XRCC4: variants seen among roughly 807,000 people sequenced by gnomAD.
XRCC4 encodes DNA repair protein XRCC4.
A neutral mutation model predicts 39.1 loss-of-function variants in XRCC4; 28 were observed. That is an observed-to-expected ratio of 0.72 (90% CI 0.53 to 0.98). The LOEUF (loss-of-function observed/expected upper bound fraction) is 0.98, where lower values mean the gene tolerates loss of function less well. XRCC4 is among the 50% of genes least tolerant of loss of function. The probability of loss-of-function intolerance (pLI) is 0.00; values close to 1 mark genes in which losing one functional copy is unlikely to be tolerated. For synonymous variants in XRCC4, 123 were observed against 126.4 expected (o/e 0.97, Z 0.18); for missense variants, 350 against 376.4 (o/e 0.93, Z 0.58).
intron 7 of XRCC4, among the ~76,000 whole-genome samples, chr5:83,335,935 A>T (rs1756581228): frequency 6.6e-6 from 1 of 152,082 alleles, no homozygotes; most frequent in South Asian, 2.1e-4. Flanking sequence ...GGAAAACTAC[A>T]CATAAGCAAC....
At chr5:83,252,951 A>C (rs1013316739) in intron 6 of XRCC4, among the ~76,000 whole-genome samples, 2 of 152,218 alleles carry the variant, frequency 1.3e-5, no homozygotes, top group African/African-American at 2.4e-5. Context: ...ATTTAATTGG[A>C]GAAACAAGAG....
chr5:83,162,041 C>T (rs1268001936), intron 3 of XRCC4, among the ~76,000 whole-genome samples: 2 of 152,070 alleles, frequency 1.3e-5, no homozygotes, highest in African/African-American at 2.4e-5. Context: ...GTGGCGGGTG[C>T]CTGTAGTCCC....
chr5:83,361,922 T>C, the XRCC4 span, among the ~76,000 whole-genome samples: 1 of 152,140 alleles, frequency 6.6e-6, no homozygotes, highest in Non-Finnish European at 1.5e-5. Context: ...ACTCCTGCCA[T>C]GTTATCTATT....
chr5:83,117,237 A>G (rs1746767763), intron 3 of XRCC4, among the ~76,000 whole-genome samples: 1 of 152,160 alleles, frequency 6.6e-6, no homozygotes, highest in African/African-American at 2.4e-5. Context: ...GTTCTGGTTG[A>G]AAGCATACTA....
chr5:83,304,259 A>G (rs1377273492), intron 7 of XRCC4, among the ~76,000 whole-genome samples: 1 of 148,576 alleles, frequency 6.7e-6, no homozygotes, highest in Non-Finnish European at 1.5e-5. Flanking sequence ...GGCTCACTGC[A>G]ACCTCCGCTT....
chr5:83,298,084 T>A lies in XRCC4; in HGVS notation c.893+39407T>A, dbSNP rs566522179. ...TCATTATCATTACCATTTTGCACTT[T>A]AGGAGATTGAAGCTTAGAGAGGTTA... is the stretch of plus-strand genomic sequence containing the variant. On this transcript the variant is annotated intron_variant, in intron 7 of 7. Transcript: ENST00000396027. Among the ~76,000 whole-genome samples the A allele has an allele frequency of 3.3e-5, 5 of 152,020 alleles. 1 individual carries two copies. In the South Asian group the frequency reaches 1.0e-3, roughly 31 times the overall value.
intron 3 of XRCC4, among the ~76,000 whole-genome samples, chr5:83,190,234 T>G (rs1046699224): frequency 1.3e-5 from 2 of 152,138 alleles, no homozygotes; most frequent in Non-Finnish European, 2.9e-5. Context: ...AGTCACCTTT[T>G]TTTAAACATA....
chr5:83,157,197 T>C (rs1749004499), intron 3 of XRCC4, among the ~76,000 whole-genome samples: 1 of 152,150 alleles, frequency 6.6e-6, no homozygotes, highest in African/African-American at 2.4e-5. Flanking sequence ...AAGAGTAAGC[T>C]GATCCAGAGG....
In XRCC4 at chr5:83,077,581, G is replaced by A. The variant is rs1179307705; in HGVS notation, c.-45G>A. On this transcript the variant is annotated 5_prime_UTR_variant, in exon 1 of 8. Transcript: ENST00000396027. ...AAAACCTTGATCTGTGAAAGCGGGCGTTTTGGAAGATACCGGAAGTAGAGT... is the reference window on the plus strand; with the variant it reads ...AAAACCTTGATCTGTGAAAGCGGGCATTTTGGAAGATACCGGAAGTAGAGT... The A allele has an allele frequency of 1.3e-5, 7 of 520,570 alleles. No individual in the cohort carries two copies. The highest frequency in any genetic ancestry group is 5.0e-5 in the South Asian group (2 of 39,612). The allele number at this position is 520,570 out of a possible 1,614,324, so 32.2% of individuals were successfully genotyped here. A position where few individuals can be genotyped will look rare whatever the true frequency, so the allele number is the denominator to read the frequency against.
intron 1 of XRCC4, among the ~76,000 whole-genome samples, chr5:83,101,377 C>T (rs1468865170): frequency 6.6e-6 from 1 of 151,996 alleles, no homozygotes; most frequent in African/African-American, 2.4e-5. Context: ...TAATATGTGT[C>T]ATTTTACAGT....
At chr5:83,274,366 C>G (rs1000400271) in intron 7 of XRCC4, among the ~76,000 whole-genome samples, 1 of 152,160 alleles carries the variant, frequency 6.6e-6, no homozygotes, top group Non-Finnish European at 1.5e-5. Flanking sequence ...AACTTTTGTA[C>G]CTTCCCTGCT....
intron 7 of XRCC4, among the ~76,000 whole-genome samples, chr5:83,347,293 C>A (rs116762570): frequency 1.3e-5 from 2 of 152,038 alleles, no homozygotes; most frequent in Admixed American, 6.6e-5. Context: ...CATTTGTATT[C>A]GTCTTTTTTC....
chr5:83,112,306 T>C lies in XRCC4; in HGVS notation c.315+1103T>C, dbSNP rs528829159. Among the ~76,000 whole-genome samples the C allele has an allele frequency of 1.3e-4, 20 of 152,344 alleles. No individual in the cohort carries two copies. The South Asian group carries it at 4.1e-3, about 32-fold the overall frequency. On this transcript the variant is annotated intron_variant, in intron 3 of 7. Coordinates refer to ENST00000396027, the MANE Select transcript of XRCC4 (RefSeq NM_003401.5). ...CTGTGGCCCAAGCTCAATCGGATGA[T>C]ATTATATGTTACAGAAGTGCAGACT...
chr5:83,337,632 G>T (rs1233075277), intron 7 of XRCC4, among the ~76,000 whole-genome samples: 2 of 152,172 alleles, frequency 1.3e-5, no homozygotes, highest in African/African-American at 4.8e-5. Context: ...AGTGTTCTCA[G>T]CTAAGACACT....
At chr5:83,081,816 A>G (rs1019526063) in intron 1 of XRCC4, among the ~76,000 whole-genome samples, 3 of 152,204 alleles carry the variant, frequency 2.0e-5, no homozygotes, top group Non-Finnish European at 4.4e-5. Flanking sequence ...TCTATGCTCC[A>G]TGTTCCAATT....
intron 7 of XRCC4, among the ~76,000 whole-genome samples, chr5:83,263,891 T>C (rs1348936172): frequency 6.6e-6 from 1 of 151,768 alleles, no homozygotes; most frequent in African/African-American, 2.4e-5. Context: ...TGCCATTGCT[T>C]TTGGTGTTTT....
chr5:83,226,667 G>T (rs1014336157), intron 6 of XRCC4, among the ~76,000 whole-genome samples: 3 of 152,112 alleles, frequency 2.0e-5, no homozygotes, highest in Admixed American at 6.6e-5. Flanking sequence ...ATGGTACACT[G>T]CCTGGGATAG....
chr5:83,126,119 T>TGC (rs1747251485), intron 3 of XRCC4, among the ~76,000 whole-genome samples: 1 of 151,852 alleles, frequency 6.6e-6, no homozygotes, highest in Admixed American at 6.6e-5. Context: ...ACTCTATTTA[T>TGC]TTAAAAAAAT....
intron 7 of XRCC4, among the ~76,000 whole-genome samples, chr5:83,345,307 C>G (rs112432338): frequency 1.3e-5 from 2 of 152,054 alleles, no homozygotes; most frequent in African/African-American, 4.8e-5. Context: ...TAAAGACATT[C>G]CCCTTTATTT....
Sources: gnomAD v4.1 joint callset for allele counts (sites outside exome capture counted in the v4.1 genomes callset) on GRCh38, gnomAD v4.1.1 for gene constraint, MANE v1.5 for transcripts, NCBI Gene and HGNC (gene_info 2026-07-23, HGNC 2026-07-21) for gene names.